The following SLC7A11 variants were observed in gnomAD, a reference collection of about 807,000 sequenced individuals.
SLC7A11 encodes the protein cystine/glutamate transporter.
Under a neutral mutation model 54.5 loss-of-function variants are expected in SLC7A11, and 35 were observed. The ratio of observed to expected loss-of-function variants is 0.64; its 90% confidence interval spans 0.49 to 0.85. SLC7A11 has a LOEUF of 0.85. SLC7A11 is among the 40% of genes least tolerant of loss of function. SLC7A11 has a pLI of 0.00. For missense variants in SLC7A11, 583 were observed against 618.1 expected, an observed-to-expected ratio of 0.94 and a Z score of 0.60; for synonymous variants, 230 against 225.2, an observed-to-expected ratio of 1.02 and a Z score of -0.19.
chr4:138,185,539 G>A lies in SLC7A11; in HGVS notation c.792-295C>T, dbSNP rs552038672. Among the ~76,000 whole-genome samples the A allele has an allele frequency of 2.0e-4, 31 of 152,196 alleles. No individual in the cohort carries two copies. In the South Asian group the frequency reaches 6.4e-3, roughly 32 times the overall value. ...TGCTACAGCAGTGTTTCTCATACTTGAGATGCATCAGAATCACCTGCAGGG... is the reference window on the plus strand; with the variant it reads ...TGCTACAGCAGTGTTTCTCATACTTAAGATGCATCAGAATCACCTGCAGGG... On this transcript the variant is annotated intron_variant, in intron 6 of 11. Transcript: ENST00000280612.
intron 6 of SLC7A11, among the ~76,000 whole-genome samples, chr4:138,201,987 A>G (rs550558400): frequency 6.6e-6 from 1 of 152,130 alleles, no homozygotes; most frequent in Non-Finnish European, 1.5e-5. Flanking sequence ...AATTATGGGG[A>G]ATGTCTAATA....
intron 1 of SLC7A11, among the ~76,000 whole-genome samples, chr4:138,238,291 C>G (rs1428280049): frequency 1.3e-5 from 2 of 152,052 alleles, no homozygotes; most frequent in Non-Finnish European, 2.9e-5. Context: ...TGGCCTGACA[C>G]ATGGCAAGCA....
chr4:138,227,605 G>A (rs1473122030), intron 3 of SLC7A11, among the ~76,000 whole-genome samples: 6 of 152,018 alleles, frequency 3.9e-5, no homozygotes, highest in African/African-American at 1.2e-4. Context: ...TTTAACTTGC[G>A]CATGTTTGCA....
chr4:138,236,262 T>C, intron 2 of SLC7A11, 63 bp downstream of exon 2: 2 of 1,431,234 alleles, frequency 1.4e-6, no homozygotes, highest in Non-Finnish European at 1.9e-6. Flanking sequence ...TTAAAAATAA[T>C]CAAGGTGATT....
chr4:138,217,501 G>T (rs926532678), intron 5 of SLC7A11, among the ~76,000 whole-genome samples: 1 of 152,130 alleles, frequency 6.6e-6, no homozygotes, highest in South Asian at 2.1e-4. Context: ...CATAAGCGGA[G>T]AAATTTTGCT....
chr4:138,206,220 TTCTC>T (rs950055428), intron 6 of SLC7A11, among the ~76,000 whole-genome samples: 7 of 150,772 alleles, frequency 4.6e-5, no homozygotes, highest in Non-Finnish European at 7.4e-5. Context: ...ACCACTTGTA[TTCTC>T]TCTCTCTCTG....
intron 3 of SLC7A11, among the ~76,000 whole-genome samples, 145 bp downstream of exon 3, chr4:138,232,114 CACTCCAAA>C (rs2041820767): frequency 6.6e-6 from 1 of 152,154 alleles, no homozygotes. Flanking sequence ...TATTGGATCC[CACTCCAAA>C]TCCTTCCAGT....
intron 3 of SLC7A11, among the ~76,000 whole-genome samples, chr4:138,225,145 T>C (rs1737914665): frequency 1.4e-5 from 1 of 73,256 alleles, no homozygotes; most frequent in East Asian, 3.0e-4. Context: ...TCACTATATA[T>C]ATATATATAT....
At position 138,171,256 on chromosome 4, in the gene SLC7A11, TAATG is replaced by T. The variant is rs1301603893; in HGVS notation, c.*696_*699del. ...ATGACAGATAACTAAAACTTCCTGA[TAATG>T]AATGAAAAAACATCTGACATAATAA... On this transcript the variant is annotated 3_prime_UTR_variant, in exon 12 of 12. Transcript: ENST00000280612. 1.3e-5 allele frequency: 2 copies of T among 152,162 alleles called. No homozygotes were observed. The highest frequency in any genetic ancestry group is 2.9e-5 in the Non-Finnish European group (2 of 68,026). The allele number at this position is 152,162 out of a possible 1,614,324, so 9.4% of individuals were successfully genotyped here.
rs1736843970 is a variant in SLC7A11, at chr4:138,185,127, C to T, written c.909G>A (p.Val303=). ...TTTCCCAACTTGGACTTACCACTGC[C>T]ACTGCATTTGAAAGCAGCAGCTCCT... ...NAEELLLSNA[V]AVTFSERLLG... is the part of the protein sequence containing the mutation. The change falls in exon 7 of 12, where the codon GTG becomes GTA. Residue 303 remains valine, a synonymous_variant. Coordinates refer to ENST00000280612, the MANE Select transcript of SLC7A11 (RefSeq NM_014331.4). 1.2e-6 allele frequency: 2 copies of T among 1,612,714 alleles called. No individual in the cohort carries two copies. Among genetic ancestry groups the T allele is most frequent in the African/African-American group, 1.3e-5 (1 of 74,956 alleles).
At chr4:138,217,758 G>T (rs999319989) in intron 5 of SLC7A11, among the ~76,000 whole-genome samples, 1 of 152,150 alleles carries the variant, frequency 6.6e-6, no homozygotes, top group Non-Finnish European at 1.5e-5. Flanking sequence ...CTTTGCTCTG[G>T]TGTCTCCCAG....
intron 6 of SLC7A11, among the ~76,000 whole-genome samples, chr4:138,186,297 T>TA (rs1450789453): frequency 7.2e-5 from 11 of 152,236 alleles, no homozygotes; most frequent in Admixed American, 4.6e-4. Context: ...TGGGTGCCAC[T>TA]AATGAAGACC....
rs1031678751 is a variant in SLC7A11, at chr4:138,237,137, C to T, written c.278-686G>A. ...AGAAGCTGGGACTACAGGCGCCCGCCACCACGCCTGGCTAATTTTTTTTGT... is the reference window on the plus strand; with the variant it reads ...AGAAGCTGGGACTACAGGCGCCCGCTACCACGCCTGGCTAATTTTTTTTGT... On this transcript the variant is annotated intron_variant, in intron 1 of 11. Transcript: ENST00000280612. 1.2e-4 allele frequency among the ~76,000 whole-genome samples: 18 copies of T among 151,820 alleles called. No individual in the cohort carries two copies. The East Asian group carries it at 2.7e-3, about 23-fold the overall frequency.
chr4:138,233,313 T>C (rs1323447048), intron 2 of SLC7A11, among the ~76,000 whole-genome samples: 1 of 151,894 alleles, frequency 6.6e-6, no homozygotes, highest in African/African-American at 2.4e-5. Context: ...GCCTCCTGAG[T>C]AGCTGGGATT....
intron 6 of SLC7A11, among the ~76,000 whole-genome samples, chr4:138,196,735 C>G (rs7699450): frequency 0.14 from 21,423 of 152,156 alleles, 1,899 homozygotes; most frequent in African/African-American, 0.26. Flanking sequence ...TCTCGGCTCA[C>G]TGCAACCTTC....
intron 6 of SLC7A11, among the ~76,000 whole-genome samples, chr4:138,192,925 C>T (rs994771367): frequency 6.6e-6 from 1 of 151,978 alleles, no homozygotes; most frequent in African/African-American, 2.4e-5. Flanking sequence ...AGACAAGCAA[C>T]GTTAAGTAAA....
chr4:138,175,858 T>TA (rs1736558801), intron 11 of SLC7A11: 1 of 152,168 alleles, frequency 6.6e-6, no homozygotes, highest in Non-Finnish European at 1.5e-5. Flanking sequence ...TGCATTTTGA[T>TA]AGACTATCAT....
In SLC7A11 at chr4:138,168,125, G is replaced by GT. The variant is rs1342923546; in HGVS notation, c.*3830dup. ...CATGGACAATGCAGATTTTGTGGGGGTAGAAGTGTACACAACTTTGCTGGT... is the reference window on the plus strand; with the variant it reads ...CATGGACAATGCAGATTTTGTGGGGGTTAGAAGTGTACACAACTTTGCTGGT... On this transcript the variant is annotated 3_prime_UTR_variant, in exon 12 of 12. Coordinates refer to ENST00000280612, the MANE Select transcript of SLC7A11 (RefSeq NM_014331.4). 1 of 152,104 alleles carries GT rather than the reference G, an allele frequency of 6.6e-6. No individual in the cohort carries two copies. Among genetic ancestry groups the GT allele is most frequent in the Non-Finnish European group, 1.5e-5 (1 of 68,008 alleles). The allele number at this position is 152,104 out of a possible 1,614,324, so 9.4% of individuals were successfully genotyped here. A position where few individuals can be genotyped will look rare whatever the true frequency, so the allele number is the denominator to read the frequency against.
chr4:138,239,986 G>A (rs758017732), intron 1 of SLC7A11, among the ~76,000 whole-genome samples: 2 of 151,964 alleles, frequency 1.3e-5, no homozygotes, highest in Non-Finnish European at 2.9e-5. Flanking sequence ...TCAACAATTA[G>A]GTTTCTCTTT....
Sources: gnomAD v4.1 joint callset for allele counts (sites outside exome capture counted in the v4.1 genomes callset) on GRCh38, gnomAD v4.1.1 for gene constraint, MANE v1.5 for transcripts, NCBI Gene and HGNC (gene_info 2026-07-23, HGNC 2026-07-21) for gene names.